The following ARHGAP24 variants were observed in gnomAD, a reference collection of about 807,000 sequenced individuals.
The protein encoded by ARHGAP24 is Rho GTPase activating protein 24.
In ARHGAP24, 50 loss-of-function variants were observed where a neutral mutation model predicts 76.4. The ratio of observed to expected loss-of-function variants is 0.65; its 90% CI spans 0.52 to 0.83. ARHGAP24 has a LOEUF of 0.83. Ranked by LOEUF, ARHGAP24 falls within the 40% of genes least tolerant of loss-of-function variation. ARHGAP24 has a pLI of 0.00. For synonymous variants in ARHGAP24, 345 were observed against 323.3 expected (o/e 1.07, Z -0.72); for missense variants, 930 against 914.2 (o/e 1.02, Z -0.22).
intron 3 of ARHGAP24, among the ~76,000 whole-genome samples, chr4:85,863,060 A>G (rs944272966): frequency 6.6e-6 from 1 of 152,114 alleles, no homozygotes; most frequent in Non-Finnish European, 1.5e-5. Context: ...ACCATGGCTT[A>G]TAGAAGTAGC....
At chr4:85,726,791 A>C (rs1725185056) in intron 3 of ARHGAP24, among the ~76,000 whole-genome samples, 6 of 151,884 alleles carry the variant, frequency 4.0e-5, no homozygotes, top group Admixed American at 3.9e-4. Flanking sequence ...CCTTACTACA[A>C]CTCTATGAGG....
chr4:85,593,255 T>C (rs1728190980), intron 2 of ARHGAP24, among the ~76,000 whole-genome samples: 1 of 152,200 alleles, frequency 6.6e-6, no homozygotes, highest in African/African-American at 2.4e-5. Context: ...ATGTCTTCTT[T>C]TGGGAAATGC....
chr4:85,972,775 T>C (rs1389762104), intron 6 of ARHGAP24, among the ~76,000 whole-genome samples: 1 of 152,168 alleles, frequency 6.6e-6, no homozygotes, highest in Middle Eastern at 3.2e-3. Context: ...CAACTACTAA[T>C]CTATTTTCTG....
Position 85,541,975 on chromosome 4 carries a change from G to A in ARHGAP24, c.-20-28547G>A, listed in dbSNP as rs560999554. Among the ~76,000 whole-genome samples, 5 of 152,294 alleles carry A rather than the reference G, an allele frequency of 3.3e-5. No homozygotes were observed. In the South Asian group the frequency reaches 6.2e-4, roughly 19 times the overall value. On this transcript the variant is annotated intron_variant, in intron 1 of 9. Coordinates refer to ENST00000395184, the MANE Select transcript of ARHGAP24 (RefSeq NM_001025616.3). ...TTTATATATGTATTCCTATGCATAA[G>A]TATTTTAAAATAGTGCTTCTCCTTC...
intron 3 of ARHGAP24, among the ~76,000 whole-genome samples, chr4:85,852,589 T>TA (rs1731301098): frequency 6.6e-6 from 1 of 152,260 alleles, no homozygotes; most frequent in South Asian, 2.1e-4. Flanking sequence ...TTGTTGTTTT[T>TA]ATCTACCTTT....
chr4:85,894,964 A>AAAAAAAAAT (rs1734063420), intron 3 of ARHGAP24, among the ~76,000 whole-genome samples: 1 of 22,656 alleles, frequency 4.4e-5, no homozygotes, highest in Non-Finnish European at 8.2e-5. Context: ...CCCTCTCAAA[A>AAAAAAAAAT]AAAAAAAAAA....
At chr4:85,964,403 AG>A (rs1488668542) in intron 5 of ARHGAP24, among the ~76,000 whole-genome samples, 1 of 152,178 alleles carries the variant, frequency 6.6e-6, no homozygotes, top group Non-Finnish European at 1.5e-5. Context: ...CTAAAAATTC[AG>A]TGGAAAGGTC....
At chr4:85,641,690 A>G (rs146374964) in intron 2 of ARHGAP24, among the ~76,000 whole-genome samples, 4 of 152,340 alleles carry the variant, frequency 2.6e-5, no homozygotes, top group South Asian at 2.1e-4. Context: ...TTGCTAAACC[A>G]TCTAGGAGAA....
chr4:85,861,537 G>A (rs890304256), intron 3 of ARHGAP24, among the ~76,000 whole-genome samples: 2 of 152,070 alleles, frequency 1.3e-5, no homozygotes, highest in Non-Finnish European at 2.9e-5. Context: ...AAAGCATGAA[G>A]CAAGACATAC....
chr4:85,930,316 G>T (rs1367926595), intron 4 of ARHGAP24: 1 of 986,704 alleles, frequency 1.0e-6, no homozygotes, highest in South Asian at 4.7e-5. Flanking sequence ...CCTGCAGAGA[G>T]CATCAAAGGA....
intron 3 of ARHGAP24, among the ~76,000 whole-genome samples, chr4:85,740,757 A>G (rs994942256): frequency 6.6e-5 from 10 of 152,036 alleles, no homozygotes; most frequent in Non-Finnish European, 1.5e-4. Flanking sequence ...TTTGTAACCC[A>G]TGGCTTATTT....
At chr4:85,825,485 G>C (rs1729670299) in intron 3 of ARHGAP24, among the ~76,000 whole-genome samples, 1 of 152,150 alleles carries the variant, frequency 6.6e-6, no homozygotes, top group African/African-American at 2.4e-5. Context: ...AGATTGCCTT[G>C]CTTCCTTAAG....
rs141594330 is a variant in ARHGAP24, at chr4:85,616,038, A to G, written c.180+45317A>G. ...TGCTGGAAGATGGCATATTTTAATT[A>G]TATGCCTCAAAGCAGATCAGACACT... On this transcript the variant is annotated intron_variant, in intron 2 of 9. Coordinates refer to ENST00000395184, the MANE Select transcript of ARHGAP24 (RefSeq NM_001025616.3). 5.9e-5 allele frequency among the ~76,000 whole-genome samples: 9 copies of G among 152,342 alleles called. No homozygotes were observed. In the East Asian group the frequency reaches 1.5e-3, roughly 26 times the overall value.
chr4:85,481,191 GT>G (rs1429722762), intron 1 of ARHGAP24, among the ~76,000 whole-genome samples: 3 of 152,092 alleles, frequency 2.0e-5, no homozygotes, highest in African/African-American at 7.2e-5. Context: ...TGTAATCTAT[GT>G]TATATTTAAT....
At chr4:85,840,408 T>G (rs1422747718) in intron 3 of ARHGAP24, among the ~76,000 whole-genome samples, 1 of 151,974 alleles carries the variant, frequency 6.6e-6, no homozygotes, top group African/African-American at 2.4e-5. Context: ...GAAGAAGAGA[T>G]AAGCTTCAGG....
At chr4:85,816,032 C>T (rs1000744391) in intron 3 of ARHGAP24, among the ~76,000 whole-genome samples, 2 of 152,102 alleles carry the variant, frequency 1.3e-5, no homozygotes, top group East Asian at 1.9e-4. Context: ...TTCACTACCA[C>T]GAGAACAGCA....
At chr4:85,531,207 A>G (rs1166262498) in intron 1 of ARHGAP24, among the ~76,000 whole-genome samples, 1 of 152,072 alleles carries the variant, frequency 6.6e-6, no homozygotes, top group African/African-American at 2.4e-5. Flanking sequence ...TGAAGATTCA[A>G]CAACAGAAAT....
intron 1 of ARHGAP24, among the ~76,000 whole-genome samples, chr4:85,482,354 T>C (rs1440212629): frequency 6.6e-6 from 1 of 152,192 alleles, no homozygotes; most frequent in Non-Finnish European, 1.5e-5. Flanking sequence ...CATTTATTGG[T>C]GACAACTTAT....
intron 8 of ARHGAP24, among the ~76,000 whole-genome samples, chr4:85,980,233 C>T (rs1176168789): frequency 6.6e-6 from 1 of 152,186 alleles, no homozygotes; most frequent in Non-Finnish European, 1.5e-5. Flanking sequence ...TATAAATGCA[C>T]ACTACATGTG....
Sources: allele counts gnomAD v4.1 joint callset (sites outside exome capture counted in the v4.1 genomes callset), GRCh38; gene constraint gnomAD v4.1.1; transcripts MANE v1.5; gene names NCBI Gene and HGNC (gene_info 2026-07-23, HGNC 2026-07-21).